The following LPAR1 variants were observed in gnomAD, a reference collection of about 807,000 sequenced individuals.
LPAR1 encodes LPA receptor 1.
LPAR1 carries 5 observed loss-of-function variants against 23.8 expected under a neutral mutation model. The ratio of observed to expected loss-of-function variants is 0.21; its 90% CI spans 0.11 to 0.44. The LOEUF (loss-of-function observed/expected upper bound fraction) is 0.44. LPAR1 is among the 20% of genes least tolerant of loss of function. The pLI is 0.99. For missense variants in LPAR1, 311 were observed against 482.8 expected, an observed-to-expected ratio of 0.64 and a Z score of 3.33; for synonymous variants, 160 against 164.7, an observed-to-expected ratio of 0.97 and a Z score of 0.22.
intron 4 of LPAR1, among the ~76,000 whole-genome samples, chr9:110,943,658 G>A (rs569802008): frequency 8.6e-5 from 13 of 151,918 alleles, no homozygotes; most frequent in Non-Finnish European, 1.6e-4. Context: ...TCAGAAGTTC[G>A]AGACCAGCCT....
At chr9:110,979,923 C>T (rs56761894) in intron 2 of LPAR1, among the ~76,000 whole-genome samples, 40,726 of 151,898 alleles carry the variant, frequency 0.27, 5,875 homozygotes, top group African/African-American at 0.37. Flanking sequence ...ATTTGGATAA[C>T]CAAGAGCATT....
At chr9:110,999,574 A>G (rs1358438539) in intron 2 of LPAR1, 3 of 374,904 alleles carry the variant, frequency 8.0e-6, no homozygotes, top group Non-Finnish European at 1.6e-5. Flanking sequence ...ACAGATCTGA[A>G]GGCTGGAAGT....
At chr9:110,983,532 G>T (rs1263294382) in intron 2 of LPAR1, among the ~76,000 whole-genome samples, 1 of 151,966 alleles carries the variant, frequency 6.6e-6, no homozygotes, top group Non-Finnish European at 1.5e-5. Context: ...AATGGGTACG[G>T]GGTTTCAGTT....
intron 2 of LPAR1, among the ~76,000 whole-genome samples, chr9:111,017,309 A>G (rs1270965219): frequency 1.3e-5 from 2 of 152,148 alleles, no homozygotes; most frequent in African/African-American, 4.8e-5. Context: ...CTAACTTATA[A>G]CATTGCATTT....
chr9:110,917,623 A>G (rs2093286827), intron 5 of LPAR1, among the ~76,000 whole-genome samples: 1 of 152,192 alleles, frequency 6.6e-6, no homozygotes, highest in African/African-American at 2.4e-5. Context: ...AGAGCTCTCC[A>G]GAACATCACA....
At chr9:111,027,114 C>T (rs1382775891) in intron 2 of LPAR1, among the ~76,000 whole-genome samples, 2 of 152,140 alleles carry the variant, frequency 1.3e-5, no homozygotes, top group Admixed American at 1.3e-4. Context: ...ACCAGCTCCT[C>T]TTTGTAACTT....
upstream of LPAR1, among the ~76,000 whole-genome samples, chr9:111,038,909 C>A (rs2097950816): frequency 1.3e-5 from 2 of 152,296 alleles, no homozygotes; most frequent in South Asian, 4.1e-4. The surrounding 1 kb of genome is among the most constrained non-coding windows in gnomAD (Gnocchi z 4.4). Context: ...GTGGACGCCC[C>A]GGCACGGGGC....
chr9:110,877,369 C>T (rs755881607), intron 5 of LPAR1, among the ~76,000 whole-genome samples: 27 of 152,140 alleles, frequency 1.8e-4, no homozygotes, highest in Non-Finnish European at 2.8e-4. Flanking sequence ...AAATACAACA[C>T]CTTAGACTTT....
At chr9:110,999,441 C>T (rs935344306) in intron 2 of LPAR1, 1 of 455,846 alleles carries the variant, frequency 2.2e-6, no homozygotes, top group African/African-American at 2.0e-5. Flanking sequence ...GCAGCAGCAT[C>T]CCCACACCAT....
intron 5 of LPAR1, among the ~76,000 whole-genome samples, chr9:110,928,539 G>T (rs2094193038): frequency 6.6e-6 from 1 of 152,128 alleles, no homozygotes; most frequent in African/African-American, 2.4e-5. Flanking sequence ...TAGAACATTA[G>T]AATTTGCCAA....
chr9:110,915,104 C>G (rs1180005441), intron 5 of LPAR1, among the ~76,000 whole-genome samples: 1 of 152,094 alleles, frequency 6.6e-6, no homozygotes, highest in Non-Finnish European at 1.5e-5. Flanking sequence ...TTTTTAAACT[C>G]CCTGTATAAT....
chr9:110,983,493 G>T (rs575695839), intron 2 of LPAR1, among the ~76,000 whole-genome samples: 139 of 152,160 alleles, frequency 9.1e-4, no homozygotes, highest in African/African-American at 3.2e-3. Context: ...AGGGACTGGG[G>T]GAGAGGGATG....
chr9:110,901,604 A>G (rs2089027403), intron 5 of LPAR1, among the ~76,000 whole-genome samples: 1 of 152,172 alleles, frequency 6.6e-6, no homozygotes, highest in Admixed American at 6.5e-5. Context: ...CACTATCATG[A>G]GAACAGCATG....
chr9:110,920,971 ATT>A (rs112389775), intron 5 of LPAR1, among the ~76,000 whole-genome samples: 4 of 148,624 alleles, frequency 2.7e-5, no homozygotes, highest in Admixed American at 6.7e-5. Flanking sequence ...ACAACAACAA[ATT>A]TTTTTTTTTT....
At chr9:111,001,125 T>C (rs1406511126) in intron 2 of LPAR1, among the ~76,000 whole-genome samples, 1 of 152,180 alleles carries the variant, frequency 6.6e-6, no homozygotes, top group Non-Finnish European at 1.5e-5. Flanking sequence ...AATCTCACTA[T>C]TACTCCTACT....
At chr9:111,038,665 C>T, upstream of LPAR1, 1 of 455,038 alleles carries the variant, frequency 2.2e-6, no homozygotes, top group Non-Finnish European at 4.4e-6. The surrounding 1 kb of genome is among the most constrained non-coding windows in gnomAD (Gnocchi z 4.4). Context: ...GTGTGGCGCC[C>T]CCAGCGCCCC....
intron 4 of LPAR1, among the ~76,000 whole-genome samples, chr9:110,949,705 C>G (rs2095508247): frequency 1.3e-5 from 2 of 152,138 alleles, no homozygotes. Flanking sequence ...ATGAGTTAAT[C>G]TAATTTAAGA....
upstream of LPAR1, chr9:111,038,828 G>A (rs1056064943): frequency 4.3e-5 from 14 of 323,088 alleles, no homozygotes; most frequent in Non-Finnish European, 7.4e-5. This position sits in a 1 kb window ranked among gnomAD's most constrained non-coding sequence, Gnocchi z 4.4. Context: ...GGAGACCCGT[G>A]GCCGCCAGCT....
intron 2 of LPAR1, among the ~76,000 whole-genome samples, chr9:111,034,523 A>C (rs541363312): frequency 8.9e-4 from 135 of 152,366 alleles, no homozygotes; most frequent in African/African-American, 3.1e-3. Context: ...TTTTTACTAA[A>C]TTAAATTTCT....
Sources: allele counts gnomAD v4.1 joint callset (sites outside exome capture counted in the v4.1 genomes callset), GRCh38; gene constraint gnomAD v4.1.1; non-coding constraint Gnocchi (gnomAD v3.1); transcripts MANE v1.5; gene names NCBI Gene and HGNC (gene_info 2026-07-23, HGNC 2026-07-21).